The following RPH3AL variants were observed in gnomAD, a reference collection of about 807,000 sequenced individuals.
RPH3AL encodes rabphilin 3A like (without C2 domains).
In RPH3AL, 38 loss-of-function variants were observed where a neutral mutation model predicts 43.1. The observed-to-expected ratio is 0.88, with a 90% confidence interval of 0.68 to 1.15. The LOEUF (loss-of-function observed/expected upper bound fraction) is 1.15. RPH3AL is among the 50% of genes most tolerant of loss of function. RPH3AL has a pLI of 0.00. For missense variants in RPH3AL, 462 were observed against 423.2 expected, an observed-to-expected ratio of 1.09 and a Z score of -0.81; for synonymous variants, 189 against 176.3, an observed-to-expected ratio of 1.07 and a Z score of -0.57.
intron 5 of RPH3AL, among the ~76,000 whole-genome samples, chr17:303,027 T>A (rs1012030113): frequency 3.3e-5 from 5 of 152,200 alleles, no homozygotes; most frequent in Admixed American, 3.3e-4. Context: ...GGCATCCAAG[T>A]CAGACAATAA....
chr17:331,569 G>C (rs985754818), intron 2 of RPH3AL: 26 of 1,276,228 alleles, frequency 2.0e-5, no homozygotes, highest in Non-Finnish European at 2.5e-5. Context: ...TGGTGGGAGA[G>C]GAAGGGCAAC....
intron 5 of RPH3AL, among the ~76,000 whole-genome samples, chr17:284,820 C>T (rs1427756272): frequency 3.9e-5 from 6 of 152,218 alleles, no homozygotes; most frequent in Non-Finnish European, 8.8e-5. Context: ...ATCACAGCTG[C>T]AGAGGCCTGA....
At chr17:244,176 C>T (rs924877778) in intron 7 of RPH3AL, among the ~76,000 whole-genome samples, 1 of 151,130 alleles carries the variant, frequency 6.6e-6, no homozygotes, top group African/African-American at 2.4e-5. Context: ...CTATTGATTC[C>T]CTTCCTCTAT....
chr17:343,126 G>T (rs1191815735), intron 1 of RPH3AL, among the ~76,000 whole-genome samples: 2 of 152,186 alleles, frequency 1.3e-5, no homozygotes, highest in African/African-American at 2.4e-5. Context: ...CAATGACCTT[G>T]CAAGGTCCCA....
At position 289,190 on chromosome 17, in the gene RPH3AL, T is replaced by C. The variant is rs952299409; in HGVS notation, c.352-7336A>G. 1.3e-5 allele frequency among the ~76,000 whole-genome samples: 2 copies of C among 152,022 alleles called. No individual in the cohort carries two copies. The highest frequency in any genetic ancestry group is 4.2e-4 in the South Asian group (2 of 4,814). ...TAACAGGCCCCCCCACACCCCAGGT[T>C]GCAGATGAGGGGATCAAGGGAGACG... On this transcript the variant is annotated intron_variant, in intron 5 of 9. Transcript: ENST00000331302. The surrounding 1 kb of genome is among the most constrained non-coding windows in gnomAD (Gnocchi z 5.2).
intron 5 of RPH3AL, among the ~76,000 whole-genome samples, chr17:317,203 T>TGGCCCC (rs1228992560): frequency 2.6e-5 from 3 of 117,546 alleles, no homozygotes; most frequent in Non-Finnish European, 5.8e-5. Context: ...GTAGTCCCTG[T>TGGCCCC]ACTCCACCTC....
intron 4 of RPH3AL, 144 bp from the exon 5 acceptor site, chr17:319,693 C>T (rs188326750): frequency 3.7e-5 from 35 of 945,602 alleles, no homozygotes; most frequent in African/African-American, 2.8e-4. Flanking sequence ...TGGATAACAG[C>T]GAATCCTTCA....
chr17:259,877 G>A (rs569649684), intron 6 of RPH3AL, among the ~76,000 whole-genome samples: 1 of 152,322 alleles, frequency 6.6e-6, no homozygotes, highest in East Asian at 1.9e-4. Context: ...TAATTACCAT[G>A]ATAACAATTG....
intron 6 of RPH3AL, among the ~76,000 whole-genome samples, chr17:267,358 G>A (rs970213677): frequency 5.3e-5 from 8 of 152,238 alleles, no homozygotes; most frequent in African/African-American, 1.7e-4. Flanking sequence ...CTGCGAAGCC[G>A]CCTCTGTTCC....
At chr17:278,265 C>T (rs542704884) in intron 6 of RPH3AL, among the ~76,000 whole-genome samples, 52 of 152,230 alleles carry the variant, frequency 3.4e-4, no homozygotes, top group Admixed American at 1.2e-3. Context: ...CTTTGCCTGC[C>T]GCCATGTAAG....
At chr17:345,858 A>C (rs1362603572) in intron 1 of RPH3AL, among the ~76,000 whole-genome samples, 1 of 135,108 alleles carries the variant, frequency 7.4e-6, no homozygotes, top group East Asian at 2.4e-4. Flanking sequence ...CTGCTGGGGC[A>C]TGCCTGCTCC....
intron 2 of RPH3AL, among the ~76,000 whole-genome samples, chr17:329,080 C>A (rs1348672513): frequency 6.6e-6 from 1 of 152,038 alleles, no homozygotes; most frequent in Non-Finnish European, 1.5e-5. Context: ...CAAGAATACA[C>A]TAAAACCACT....
intron 7 of RPH3AL, among the ~76,000 whole-genome samples, chr17:227,594 T>A (rs1261931270): frequency 1.3e-5 from 2 of 152,150 alleles, no homozygotes; most frequent in Non-Finnish European, 2.9e-5. Flanking sequence ...ACTCTGGGTC[T>A]GAATCCTGGG....
intron 5 of RPH3AL, among the ~76,000 whole-genome samples, chr17:298,068 C>A (rs186472876): frequency 6.6e-6 from 1 of 152,324 alleles, no homozygotes; most frequent in Admixed American, 6.5e-5. Flanking sequence ...TCTCTGCCTC[C>A]GTGCCCTGTG....
At position 213,863 on chromosome 17, in the gene RPH3AL, A is replaced by G; in HGVS notation, c.937T>C (p.Cys313Arg). 1.9e-6 allele frequency: 3 copies of G among 1,613,464 alleles called. No homozygotes were observed. Among genetic ancestry groups the G allele is most frequent in the African/African-American group, 1.3e-5 (1 of 75,050 alleles). Reference sequence around the variant, plus strand: ...AGGCACCAGACACCTCAGCCCAGGCAGCTGGAGGGGCCTGCTGGAGCTGCG... The same window carrying G: ...AGGCACCAGACACCTCAGCCCAGGCGGCTGGAGGGGCCTGCTGGAGCTGCG... ...ADAAPAGPSSCLG is the reference protein window; with the variant it reads ...ADAAPAGPSSRLG Residue 313 changes from cysteine to arginine, a missense_variant, in exon 10 of 10, where the codon TGC becomes CGC. By Grantham distance (180) the Cys-to-Arg change is radical. Transcript: ENST00000331302.
chr17:312,662 G>A (rs367747486), intron 5 of RPH3AL, among the ~76,000 whole-genome samples: 2 of 152,210 alleles, frequency 1.3e-5, no homozygotes, highest in East Asian at 1.9e-4. Context: ...ACTGCACGCT[G>A]CCAATGGGCC....
chr17:318,553 A>C (rs2151695087), intron 5 of RPH3AL, among the ~76,000 whole-genome samples: 1 of 152,226 alleles, frequency 6.6e-6, no homozygotes, highest in South Asian at 2.1e-4. Context: ...CTACCAACCT[A>C]GGAGGAGCAG....
At chr17:285,966 C>T (rs2042898334) in intron 5 of RPH3AL, among the ~76,000 whole-genome samples, 1 of 152,224 alleles carries the variant, frequency 6.6e-6, no homozygotes, top group Non-Finnish European at 1.5e-5. Context: ...CGTGACAGGA[C>T]ACGGATGAAC....
rs919293123 is a variant in RPH3AL, at chr17:290,933, G to A, written c.352-9079C>T. On this transcript the variant is annotated intron_variant, in intron 5 of 9. Coordinates refer to ENST00000331302, the MANE Select transcript of RPH3AL (RefSeq NM_006987.4). The surrounding 1 kb of genome is among the most constrained non-coding windows in gnomAD (Gnocchi z 4.2). ...CATGAGCCTCACTCGACCGAAAAGGGTGAAACTGCGCTCAAACGTCCTGTA... is the reference window on the plus strand; with the variant it reads ...CATGAGCCTCACTCGACCGAAAAGGATGAAACTGCGCTCAAACGTCCTGTA... Among the ~76,000 whole-genome samples the A allele has an allele frequency of 1.3e-5, 2 of 152,092 alleles. No homozygotes were observed. The highest frequency in any genetic ancestry group is 4.8e-5 in the African/African-American group (2 of 41,410).
Sources: allele counts gnomAD v4.1 joint callset (sites outside exome capture counted in the v4.1 genomes callset), GRCh38; gene constraint gnomAD v4.1.1; non-coding constraint Gnocchi (gnomAD v3.1); transcripts MANE v1.5; gene names NCBI Gene and HGNC (gene_info 2026-07-23, HGNC 2026-07-21).